The following SLC4A8 variants were observed in gnomAD, a reference collection of about 807,000 sequenced individuals.
The protein encoded by SLC4A8 is electroneutral sodium bicarbonate exchanger 1.
SLC4A8 carries 40 observed loss-of-function variants against 125.0 expected under a neutral mutation model. The ratio of observed to expected loss-of-function variants is 0.32; its 90% CI spans 0.25 to 0.42. The LOEUF is 0.42. Ranked by LOEUF, SLC4A8 falls within the 10% of genes least tolerant of loss-of-function variation. The pLI, the probability that SLC4A8 is intolerant of heterozygous loss-of-function variation, is 1.00. For synonymous variants in SLC4A8, 456 were observed against 476.0 expected, an observed-to-expected ratio of 0.96 and a Z score of 0.55; for missense variants, 863 against 1,355.1, an observed-to-expected ratio of 0.64 and a Z score of 5.70.
intron 1 of SLC4A8, among the ~76,000 whole-genome samples, chr12:51,440,092 G>A (rs1949546737): frequency 6.6e-6 from 1 of 152,162 alleles, no homozygotes; most frequent in Non-Finnish European, 1.5e-5. Flanking sequence ...GGAGCAGGAT[G>A]GAAAATTTCA....
At chr12:51,426,655 A>AG (rs1423663059) in intron 1 of SLC4A8, among the ~76,000 whole-genome samples, 1 of 152,130 alleles carries the variant, frequency 6.6e-6, no homozygotes, top group African/African-American at 2.4e-5. Context: ...CCTGTGGCAG[A>AG]GGGGGACACA....
rs898319347 is a variant in SLC4A8 at position 51,459,259 on chromosome 12, C to A, written c.855+609C>A. Among the ~76,000 whole-genome samples, 3 of 152,178 alleles carry A rather than the reference C, an allele frequency of 2.0e-5. No individual in the cohort carries two copies. In the East Asian group the frequency reaches 5.8e-4, roughly 29 times the overall value. On this transcript the variant is annotated intron_variant, in intron 7 of 24. Coordinates refer to ENST00000453097, the MANE Select transcript of SLC4A8 (RefSeq NM_001039960.3). ...ATTTTATTTGGAAAACCTGAAACCC[C>A]CGACAAAACATTTGAGTGTTTAAAA...
intron 12 of SLC4A8, 102 bp from the exon 13 acceptor site, chr12:51,470,290 G>A: frequency 3.0e-6 from 3 of 1,002,020 alleles, no homozygotes; most frequent in East Asian, 2.4e-5. Context: ...CAAGCAAATG[G>A]CCATCAAGGC....
chr12:51,498,638 T>C (rs1299158310), intron 22 of SLC4A8, among the ~76,000 whole-genome samples: 1 of 149,188 alleles, frequency 6.7e-6, no homozygotes, highest in African/African-American at 2.5e-5. Flanking sequence ...CCCAGCACTT[T>C]GGGAGGCCGA....
chr12:51,447,056 G>GTCTATCTA (rs1038724217), intron 2 of SLC4A8, among the ~76,000 whole-genome samples: 12,918 of 147,018 alleles, frequency 0.088, 641 homozygotes, highest in Middle Eastern at 0.13. Context: ...CTGTCTGTCT[G>GTCTATCTA]TCTATCTATC....
At chr12:51,403,559 T>C (rs1948433248) in intron 1 of SLC4A8, among the ~76,000 whole-genome samples, 1 of 152,164 alleles carries the variant, frequency 6.6e-6, no homozygotes, top group African/African-American at 2.4e-5. Flanking sequence ...CCATGGCCTC[T>C]TGTGTCAACT....
Position 51,497,005 on chromosome 12 carries a change from G to A in SLC4A8, c.2962G>A (p.Val988Ile). ...TCTTCAGGTTTTGGCCTTGGTCTTT[G>A]TCAGGAAAGTCATGGATCTCTGTTT... ...FPMMVLALVFVRKVMDLCFSK... is the reference protein window; with the variant it reads ...FPMMVLALVFIRKVMDLCFSK... Residue 988 changes from valine to isoleucine, a missense_variant, in exon 22 of 25, where the codon GTC (valine) becomes ATC (isoleucine). Val to Ile is a conservative substitution (Grantham distance 29). Coordinates refer to ENST00000453097, the MANE Select transcript of SLC4A8 (RefSeq NM_001039960.3). The A allele has an allele frequency of 6.2e-7, 1 of 1,613,510 alleles. No individual in the cohort carries two copies. Among genetic ancestry groups the A allele is most frequent in the Non-Finnish European group, 8.5e-7 (1 of 1,179,846 alleles).
In SLC4A8 at chr12:51,471,440, T is replaced by G. The variant is rs756425422; in HGVS notation, c.1812T>G (p.Ile604Met). 1 of 1,614,210 alleles carries G rather than the reference T, an allele frequency of 6.2e-7. No individual in the cohort carries two copies. The highest frequency in any genetic ancestry group is 1.1e-5 in the South Asian group (1 of 91,082). Residue 604 changes from isoleucine (I) to methionine (M), a missense_variant, in exon 14 of 25, where the codon ATT becomes ATG. Transcript: ENST00000453097. ...CATTTGCCTCCCTAATTTGCATTAT[T>G]TTCATCTATGAAGCAATAGAAAAAC... is the stretch of plus-strand genomic sequence containing the variant. The part of the protein sequence containing the change: ...EEAFASLICI[I>M]FIYEAIEKLI...
chr12:51,464,063 T>C (rs1402310432), intron 11 of SLC4A8, among the ~76,000 whole-genome samples: 1 of 152,156 alleles, frequency 6.6e-6, no homozygotes, highest in African/African-American at 2.4e-5. Flanking sequence ...TCTAGGACTC[T>C]CTCTGGATGA....
chr12:51,467,811 A>C (rs896439999), intron 11 of SLC4A8, among the ~76,000 whole-genome samples: 1 of 152,196 alleles, frequency 6.6e-6, no homozygotes, highest in African/African-American at 2.4e-5. Flanking sequence ...TTTTAAACCA[A>C]ATCACCGACA....
At chr12:51,476,906 CTTT>C (rs67928969) in intron 16 of SLC4A8, among the ~76,000 whole-genome samples, 2 of 118,530 alleles carry the variant, frequency 1.7e-5, no homozygotes, top group Non-Finnish European at 1.8e-5. Flanking sequence ...TTTTTCTTTT[CTTT>C]TTTTTTTTTT....
intron 12 of SLC4A8, 71 bp downstream of exon 12, chr12:51,469,859 T>C (rs4491281): frequency 0.94 from 1,372,212 of 1,459,110 alleles, 645,737 homozygotes; most frequent in Non-Finnish European, 0.95. Context: ...CCAGGTCCAC[T>C]GTGGGGGAAA....
intron 1 of SLC4A8, among the ~76,000 whole-genome samples, chr12:51,397,726 T>G (rs1043419253): frequency 1.4e-4 from 19 of 140,008 alleles, no homozygotes; most frequent in Admixed American, 2.9e-4. Flanking sequence ...CTAAGGTGCA[T>G]TTTTAAAAAT....
rs534747780 is a variant in SLC4A8 at position 51,395,977 on chromosome 12, C to T, written c.-112+4489C>T. On this transcript the variant is annotated intron_variant, in intron 1 of 24. Coordinates refer to the SLC4A8 transcript ENST00000358657. ...ATGCTCAGGAGAGAAACAGTTAAAG[C>T]GAGAAATATTTTAGGGAACCCAAGC... Among the ~76,000 whole-genome samples, 8 of 152,300 alleles carry T rather than the reference C, an allele frequency of 5.3e-5. No homozygotes were observed. The East Asian group carries it at 1.3e-3, about 26-fold the overall frequency.
At chr12:51,422,077 G>C (rs753039651), upstream of SLC4A8, 14 of 152,206 alleles carry the variant, frequency 9.2e-5, no homozygotes, top group Non-Finnish European at 1.9e-4. Flanking sequence ...TAGGTTCTCA[G>C]CAAAAGTGTT....
intron 1 of SLC4A8, among the ~76,000 whole-genome samples, chr12:51,432,943 G>T (rs1949245084): frequency 6.6e-6 from 1 of 152,152 alleles, no homozygotes; most frequent in Non-Finnish European, 1.5e-5. Context: ...CCTACTGCAG[G>T]AAAGGAGGTG....
intron 11 of SLC4A8, among the ~76,000 whole-genome samples, chr12:51,464,133 A>G (rs569155803): frequency 5.3e-5 from 8 of 152,044 alleles, no homozygotes; most frequent in South Asian, 2.1e-4. Flanking sequence ...CCTTCCCCAC[A>G]TTACAGCCTT....
chr12:51,474,488 C>T, intron 15 of SLC4A8, 41 bp downstream of exon 15: 1 of 1,597,444 alleles, frequency 6.3e-7, no homozygotes, highest in South Asian at 1.1e-5. Flanking sequence ...ATTGTGACCA[C>T]AGGTTTAGGA....
chr12:51,489,927 A>C lies in SLC4A8; in HGVS notation c.2676A>C (p.Ser892=). 1.2e-6 allele frequency: 2 copies of C among 1,614,232 alleles called. No individual in the cohort carries two copies. Among genetic ancestry groups the C allele is most frequent in the Non-Finnish European group, 1.7e-6 (2 of 1,180,042 alleles). ...GLMIFVLMGC[S]VFMTAILKFI... ...TGATCTTTGTGCTGATGGGCTGCTC[A>C]GTCTTCATGACGGCTATCTTAAAGG... is the stretch of plus-strand genomic sequence containing the variant. The change falls in exon 19 of 25, where the codon TCA becomes TCC. Residue 892 remains serine, a synonymous_variant. Coordinates refer to ENST00000453097, the MANE Select transcript of SLC4A8 (RefSeq NM_001039960.3).
Sources: allele counts gnomAD v4.1 joint callset (sites outside exome capture counted in the v4.1 genomes callset), GRCh38; gene constraint gnomAD v4.1.1; transcripts MANE v1.5; gene names NCBI Gene and HGNC (gene_info 2026-07-23, HGNC 2026-07-21).